DLEC1: variants seen among roughly 807,000 people sequenced by gnomAD.
DLEC1 encodes deleted in lung and esophageal cancer protein 1.
A neutral mutation model predicts 198.1 loss-of-function variants in DLEC1; 146 were observed. That is an observed-to-expected ratio of 0.74 (90% CI 0.64 to 0.85). The LOEUF (loss-of-function observed/expected upper bound fraction) is 0.85, where lower values mean the gene tolerates loss of function less well. Among genes scored for constraint, DLEC1 ranks in the 40% least tolerant of loss-of-function variants. The pLI is 0.00. For synonymous variants in DLEC1, 897 were observed against 866.8 expected (o/e 1.03, Z -0.61); for missense variants, 2,233 against 2,220.0 (o/e 1.01, Z -0.12).
At position 38,092,807 on chromosome 3, in the gene DLEC1, G is replaced by A; in HGVS notation, c.1683G>A (p.Lys561=). 6.2e-7 allele frequency: 1 copy of A among 1,614,120 alleles called. No homozygotes were observed. The highest frequency in any genetic ancestry group is 8.5e-7 in the Non-Finnish European group (1 of 1,180,010). ...TCCCCCAGGTCTTGTTTTCCCCAAA[G>A]AGCCTAGGAAAGGCAGAGCAGACCT... ...AILVEVLFSP[K]SLGKAEQTFI... The change falls in exon 11 of 37, where the codon AAG becomes AAA. Residue 561 remains lysine, a synonymous_variant. Transcript: ENST00000308059.
At chr3:38,061,003 G>T (rs1696652052) in intron 3 of DLEC1, among the ~76,000 whole-genome samples, 1 of 152,092 alleles carries the variant, frequency 6.6e-6, no homozygotes, top group South Asian at 2.1e-4. Flanking sequence ...GTATTTTAAA[G>T]TTAGTTGGAA....
chr3:38,117,017 A>G lies in DLEC1; in HGVS notation c.4222A>G (p.Thr1408Ala). The change falls in exon 30 of 37, where the codon ACC (threonine) becomes GCC (alanine). Residue 1408 changes from threonine (T) to alanine (A), a missense_variant. Thr to Ala is a moderately conservative substitution (Grantham distance 58). Coordinates refer to ENST00000308059, the MANE Select transcript of DLEC1 (RefSeq NM_007335.4). ...GGSSTIYISF[T>A]PMVLSPEILH... ...CAGCAGTACCATCTACATCTCCTTC[A>G]CCCCTATGGTGCTCAGCCCTGAGAT... 6.2e-7 allele frequency: 1 copy of G among 1,613,610 alleles called. No homozygotes were observed. Among genetic ancestry groups the G allele is most frequent in the Non-Finnish European group, 8.5e-7 (1 of 1,179,880 alleles).
rs527899588 is a variant in DLEC1, at chr3:38,079,540, C to T, written c.1174-4618C>T. ...GAGGCGATCGGGCAGCATCAGTCTT[C>T]AGGCACTAAGCCAAGAAGACCTGGG... On this transcript the variant is annotated intron_variant, in intron 6 of 36. Coordinates refer to ENST00000308059, the MANE Select transcript of DLEC1 (RefSeq NM_007335.4). Among the ~76,000 whole-genome samples, 15 of 152,300 alleles carry T rather than the reference C, an allele frequency of 9.8e-5. No homozygotes were observed. In the South Asian group the frequency reaches 2.3e-3, roughly 23 times the overall value.
At chr3:38,096,057 C>T (rs538608422) in intron 14 of DLEC1, 111 bp downstream of exon 14, 2 of 1,341,904 alleles carry the variant, frequency 1.5e-6, no homozygotes, top group Non-Finnish European at 2.1e-6. Flanking sequence ...CTGGTCCCCG[C>T]AGGCTTTGGG....
At chr3:38,046,203 C>A in intron 2 of DLEC1, among the ~76,000 whole-genome samples, 1 of 152,100 alleles carries the variant, frequency 6.6e-6, no homozygotes, top group East Asian at 1.9e-4. Flanking sequence ...GGTTGCTGGG[C>A]AGATTTGTGT....
intron 27 of DLEC1, among the ~76,000 whole-genome samples, 156 bp from the exon 28 acceptor site, chr3:38,116,297 T>G (rs890957290): frequency 1.3e-4 from 20 of 152,056 alleles, no homozygotes; most frequent in African/African-American, 4.6e-4. Context: ...TAAATGAGAA[T>G]TGCCTGGAAG....
chr3:38,051,004 G>T (rs1243005634), intron 2 of DLEC1, among the ~76,000 whole-genome samples: 2 of 151,634 alleles, frequency 1.3e-5, no homozygotes, highest in African/African-American at 4.8e-5. Context: ...ACCTCCCAAG[G>T]GATCCTCCCA....
At chr3:38,097,718 A>G in intron 17 of DLEC1, 26 bp from the exon 18 acceptor site, 1 of 1,613,548 alleles carries the variant, frequency 6.2e-7, no homozygotes, top group Non-Finnish European at 8.5e-7. Flanking sequence ...CAGGTGGCCC[A>G]GTGACAGGCC....
At chr3:38,097,453 G>A in intron 16 of DLEC1, 54 bp from the exon 17 acceptor site, 9 of 1,606,352 alleles carry the variant, frequency 5.6e-6, no homozygotes, top group Non-Finnish European at 7.7e-6. Flanking sequence ...CCAATCATAG[G>A]AGGAAACTGC....
Position 38,045,556 on chromosome 3 carries a change from A to G in DLEC1, c.425A>G (p.Tyr142Cys), listed in dbSNP as rs1700844461. Reference protein sequence around the residue: ...VDQLQQIRELYKQRLDEFEML... With the variant: ...VDQLQQIRELCKQRLDEFEML... ...TCCCCCTGCCAGATTCGGGAGCTCT[A>G]TAAGCAGCGGCTGGATGAGTTTGAA... Residue 142 changes from tyrosine (Y) to cysteine (C), a missense_variant, in exon 2 of 37, where the codon TAT becomes TGT. Transcript: ENST00000308059. 3 of 1,613,580 alleles carry G rather than the reference A, an allele frequency of 1.9e-6. No homozygotes were observed. The highest frequency in any genetic ancestry group is 2.5e-6 in the Non-Finnish European group (3 of 1,179,850).
At chr3:38,077,258 T>C (rs1022533062) in intron 6 of DLEC1, among the ~76,000 whole-genome samples, 2 of 152,052 alleles carry the variant, frequency 1.3e-5, no homozygotes, top group African/African-American at 4.8e-5. Flanking sequence ...GTATGAGTAG[T>C]TGAGAATGGA....
chr3:38,066,313 T>C (rs932204515), intron 6 of DLEC1, among the ~76,000 whole-genome samples: 20 of 152,372 alleles, frequency 1.3e-4, no homozygotes, highest in African/African-American at 4.6e-4. Context: ...TTATTCCATC[T>C]ACATTTATTA....
Position 38,088,334 on chromosome 3 carries a change from T to G in DLEC1, c.1611T>G (p.Phe537Leu). 6.2e-7 allele frequency: 1 copy of G among 1,614,154 alleles called. No individual in the cohort carries two copies. Among genetic ancestry groups the G allele is most frequent in the Non-Finnish European group, 8.5e-7 (1 of 1,179,950 alleles). Residue 537 changes from phenylalanine (F) to leucine (L), a missense_variant, in exon 10 of 37, where the codon TTT (phenylalanine) becomes TTG (leucine). Phe to Leu is a conservative substitution (Grantham distance 22). Coordinates refer to ENST00000308059, the MANE Select transcript of DLEC1 (RefSeq NM_007335.4). ...ATVGFVEQPP[F>L]GILPSVFELA... Reference sequence around the variant, plus strand: ...TCGGCTTTGTTGAACAACCTCCTTTTGGAATCCTGCCTTCGGTGTTTGAGC... The same window carrying G: ...TCGGCTTTGTTGAACAACCTCCTTTGGGAATCCTGCCTTCGGTGTTTGAGC...
At chr3:38,100,810 A>G (rs1246907143) in intron 19 of DLEC1, among the ~76,000 whole-genome samples, 1 of 152,222 alleles carries the variant, frequency 6.6e-6, no homozygotes, top group African/African-American at 2.4e-5. Context: ...CTGTTCCTAC[A>G]GGAAAAACTA....
rs1319418911 is a variant in DLEC1 at position 38,086,228 on chromosome 3, C to T, written c.1436-13C>T. The stretch of plus-strand genomic sequence containing the variant: ...CTGTTGTTTCTCTTGCACATGTTCT[C>T]CTGTGGCTACAGTGTCACCGGTGTT... On this transcript the variant is annotated splice_polypyrimidine_tract_variant and intron_variant, in intron 8 of 36. Transcript: ENST00000308059. 14 of 1,601,484 alleles carry T rather than the reference C, an allele frequency of 8.7e-6. No homozygotes were observed. Among genetic ancestry groups the T allele is most frequent in the Non-Finnish European group, 1.1e-5 (13 of 1,173,842 alleles).
intron 6 of DLEC1, among the ~76,000 whole-genome samples, chr3:38,065,778 C>G (rs967700701): frequency 2.0e-5 from 3 of 152,148 alleles, no homozygotes; most frequent in Admixed American, 2.0e-4. Flanking sequence ...AAAAAAAAGT[C>G]CATTTATATT....
intron 2 of DLEC1, among the ~76,000 whole-genome samples, chr3:38,053,623 C>CA (rs1701261260): frequency 1.7e-5 from 2 of 115,594 alleles, no homozygotes; most frequent in Admixed American, 8.2e-5. Flanking sequence ...AGGTGGGGGG[C>CA]GCCTCTGCCC....
chr3:38,083,164 G>T (rs1698149362), intron 6 of DLEC1, among the ~76,000 whole-genome samples: 1 of 151,672 alleles, frequency 6.6e-6, no homozygotes, highest in Non-Finnish European at 1.5e-5. Flanking sequence ...AGGACCTGAG[G>T]TCGTAGGTGG....
At position 38,120,547 on chromosome 3, in the gene DLEC1, G is replaced by A. The variant is rs1559469171; in HGVS notation, c.4804G>A (p.Gly1602Arg). ...GGTGGACATTCAGCAGAGTGCGAGTGGAGAGAGAGAGATGGTGTTTACTCA... is the reference window on the plus strand; with the variant it reads ...GGTGGACATTCAGCAGAGTGCGAGTAGAGAGAGAGAGATGGTGTTTACTCA... ...PGVDIQQSAS[G>R]EREMVFTQNL... The change falls in exon 34 of 37, where the codon GGA becomes AGA. Residue 1602 changes from glycine to arginine, a missense_variant. Physicochemically the swap from Gly to Arg is moderately radical, Grantham distance 125 (BLOSUM62 -2). Coordinates refer to ENST00000308059, the MANE Select transcript of DLEC1 (RefSeq NM_007335.4). 3.1e-6 allele frequency: 5 copies of A among 1,614,018 alleles called. No homozygotes were observed. In the African/African-American group the frequency reaches 5.3e-5, roughly 17 times the overall value.
Sources: allele counts gnomAD v4.1 joint callset (sites outside exome capture counted in the v4.1 genomes callset), GRCh38; gene constraint gnomAD v4.1.1; transcripts MANE v1.5; gene names NCBI Gene and HGNC (gene_info 2026-07-23, HGNC 2026-07-21).